TCAIM: variants seen among roughly 807,000 people sequenced by gnomAD.
TCAIM encodes the protein T-cell activation inhibitor, mitochondrial.
Under a neutral mutation model 58.6 loss-of-function variants are expected in TCAIM, and 36 were observed. The ratio of observed to expected loss-of-function variants is 0.61; its 90% CI spans 0.47 to 0.81. The LOEUF (loss-of-function observed/expected upper bound fraction) is 0.81. Among genes scored for constraint, TCAIM ranks in the 30% least tolerant of loss-of-function variants. The pLI, the probability that TCAIM is intolerant of heterozygous loss-of-function variation, is 0.00. For synonymous variants in TCAIM, 172 were observed against 193.6 expected (o/e 0.89, Z 0.93); for missense variants, 466 against 579.6 (o/e 0.80, Z 2.01).
Position 44,400,377 on chromosome 3 carries a change from A to G in TCAIM, c.908A>G (p.Tyr303Cys), listed in dbSNP as rs1702002367. ...WTKLFERLPS[Y>C]FDLQRRLMIL... Reference sequence around the variant, plus strand: ...TAGCTTTTTGAAAGATTGCCAAGTTATTTTGACCTTCAGAGGAGGCTGATG... The same window carrying G: ...TAGCTTTTTGAAAGATTGCCAAGTTGTTTTGACCTTCAGAGGAGGCTGATG... Residue 303 changes from tyrosine to cysteine, a missense_variant, in exon 9 of 11, where the codon TAT (tyrosine) becomes TGT (cysteine). Transcript: ENST00000342649. 1.2e-6 allele frequency: 2 copies of G among 1,613,506 alleles called. No individual in the cohort carries two copies. Among genetic ancestry groups the G allele is most frequent in the African/African-American group, 2.7e-5 (2 of 75,018 alleles).
rs549061847 is a variant in TCAIM at position 44,386,547 on chromosome 3, C to G, written c.573-6308C>G. ...CTGGACTGGGACATCTCTGGGCTCT[C>G]AGGGGCCTGGGAACCCCCACCCCTG... is the stretch of plus-strand genomic sequence containing the variant. On this transcript the variant is annotated intron_variant, in intron 5 of 10. Coordinates refer to ENST00000342649, the MANE Select transcript of TCAIM (RefSeq NM_173826.4). Among the ~76,000 whole-genome samples, 171 of 152,380 alleles carry G rather than the reference C, an allele frequency of 1.1e-3. 1 individual carries two copies. The highest frequency in any genetic ancestry group is 0.01 in the Middle Eastern group (3 of 294).
At chr3:44,397,439 C>G (rs906668287) in intron 8 of TCAIM, among the ~76,000 whole-genome samples, 9 of 152,188 alleles carry the variant, frequency 5.9e-5, no homozygotes, top group African/African-American at 2.2e-4. Flanking sequence ...TTTTGAGATT[C>G]ATCCATGTGG....
intron 8 of TCAIM, among the ~76,000 whole-genome samples, chr3:44,400,117 A>G (rs1033993784): frequency 1.3e-5 from 2 of 151,154 alleles, no homozygotes; most frequent in African/African-American, 4.9e-5. Context: ...TTTGGAGCAT[A>G]TTTTTTTTTG....
chr3:44,367,425 A>G lies in TCAIM; in HGVS notation c.320-31A>G, dbSNP rs572863296. ...TGAAATAAAGCAAATAATCATCTGT[A>G]TTAATTGTTTGGGGGAATTATATTC... On this transcript the variant is annotated intron_variant, in intron 4 of 10. Transcript: ENST00000342649. The G allele has an allele frequency of 1.6e-5, 25 of 1,584,326 alleles. No homozygotes were observed. In the East Asian group the frequency reaches 4.9e-4, roughly 31 times the overall value.
chr3:44,362,743 T>G (rs1701313062), intron 4 of TCAIM: 1 of 237,644 alleles, frequency 4.2e-6, no homozygotes, highest in South Asian at 1.8e-4. Flanking sequence ...TGTTGATCAC[T>G]CTAAGTGACA....
intron 5 of TCAIM, among the ~76,000 whole-genome samples, chr3:44,382,171 AAAAAG>A (rs1701665380): frequency 6.6e-6 from 1 of 152,216 alleles, no homozygotes; most frequent in Non-Finnish European, 1.5e-5. Context: ...AACAATCCTG[AAAAAG>A]AAGAGCAAAG....
At chr3:44,358,073 A>C in intron 3 of TCAIM, 197 bp downstream of exon 3, 1 of 1,357,998 alleles carries the variant, frequency 7.4e-7, no homozygotes, top group Non-Finnish European at 9.7e-7. Context: ...TGTTTTGTGC[A>C]GGCAATAAAG....
intron 10 of TCAIM, among the ~76,000 whole-genome samples, chr3:44,405,279 A>G (rs1029536781): frequency 6.6e-6 from 1 of 152,228 alleles, no homozygotes; most frequent in African/African-American, 2.4e-5. Context: ...TCTATATCAT[A>G]TATTTCAAAT....
intron 5 of TCAIM, among the ~76,000 whole-genome samples, chr3:44,372,633 G>A (rs898677629): frequency 2.7e-5 from 4 of 147,234 alleles, no homozygotes; most frequent in East Asian, 2.0e-4. Context: ...TTGCTCAGTC[G>A]CCCAGGCTGG....
intron 1 of TCAIM, among the ~76,000 whole-genome samples, chr3:44,353,229 T>C (rs1701128066): frequency 8.8e-6 from 1 of 113,694 alleles, no homozygotes; most frequent in South Asian, 4.5e-4. Flanking sequence ...CCAACTTCTT[T>C]AACTTAGTAG....
At chr3:44,381,008 C>T (rs1701646802) in intron 5 of TCAIM, among the ~76,000 whole-genome samples, 1 of 152,062 alleles carries the variant, frequency 6.6e-6, no homozygotes, top group Admixed American at 6.5e-5. Flanking sequence ...CAAAGAAAAG[C>T]CCTGAACTGG....
chr3:44,352,700 C>T (rs753598318), intron 1 of TCAIM, among the ~76,000 whole-genome samples: 2 of 152,100 alleles, frequency 1.3e-5, no homozygotes, highest in African/African-American at 4.8e-5. Flanking sequence ...TTTTGACAAA[C>T]GTTGACAAAT....
intron 4 of TCAIM, among the ~76,000 whole-genome samples, chr3:44,365,898 T>C (rs1701366569): frequency 1.3e-5 from 2 of 152,228 alleles, no homozygotes; most frequent in Admixed American, 1.3e-4. Context: ...TGGAAGAATA[T>C]GTACCTGTTA....
rs1219682246 is a variant in TCAIM at position 44,389,646 on chromosome 3, C to T, written c.573-3209C>T. ...AGTGATGTAAATTAAGATATTTTTA[C>T]CTGCTTAATCACACACCATGCAGAA... is the stretch of plus-strand genomic sequence containing the variant. On this transcript the variant is annotated intron_variant, in intron 5 of 10. Coordinates refer to ENST00000342649, the MANE Select transcript of TCAIM (RefSeq NM_173826.4). Among the ~76,000 whole-genome samples the T allele has an allele frequency of 7.9e-5, 12 of 151,990 alleles. No homozygotes were observed. The East Asian group carries it at 2.3e-3, about 29-fold the overall frequency.
intron 4 of TCAIM, among the ~76,000 whole-genome samples, chr3:44,366,239 A>T (rs1575252039): frequency 6.6e-6 from 1 of 151,998 alleles, no homozygotes; most frequent in East Asian, 1.9e-4. Context: ...ATGACTTAAC[A>T]ATTTAGATTA....
chr3:44,385,117 C>T (rs1312338232), intron 5 of TCAIM, among the ~76,000 whole-genome samples: 1 of 152,164 alleles, frequency 6.6e-6, no homozygotes, highest in Admixed American at 6.5e-5. Context: ...GGCAGAGATA[C>T]ACTTGGATTA....
chr3:44,346,736 G>A lies in TCAIM; in HGVS notation c.-45+7902G>A, dbSNP rs1262028486. Among the ~76,000 whole-genome samples, 6 of 152,150 alleles carry A rather than the reference G, an allele frequency of 3.9e-5. No individual in the cohort carries two copies. In the East Asian group the frequency reaches 5.8e-4, roughly 15 times the overall value. Reference sequence around the variant, plus strand: ...AAGTATTAGAGCAGCAGCAGCTGCCGCGTGCAGACATGAAGGCTAGGCTAA... The same window carrying A: ...AAGTATTAGAGCAGCAGCAGCTGCCACGTGCAGACATGAAGGCTAGGCTAA... On this transcript the variant is annotated intron_variant, in intron 1 of 10. Coordinates refer to ENST00000342649, the MANE Select transcript of TCAIM (RefSeq NM_173826.4).
In TCAIM at chr3:44,407,519, G is replaced by T; in HGVS notation, c.1328G>T (p.Ser443Ile). The change falls in exon 11 of 11, where the codon AGC (serine) becomes ATC (isoleucine). Residue 443 changes from serine to isoleucine, a missense_variant. Ser to Ile is a moderately radical substitution (Grantham distance 142, BLOSUM62 -2). Transcript: ENST00000342649. ...TTGGAGAAGTTATATAAAGAGCCCA[G>T]CATTTCTAGTATACAAATGGTGGAT... Reference protein sequence around the residue: ...FSLEKLYKEPSISSIQMVDCC... With the variant: ...FSLEKLYKEPIISSIQMVDCC... The T allele has an allele frequency of 6.2e-7, 1 of 1,613,442 alleles. No individual in the cohort carries two copies. Among genetic ancestry groups the T allele is most frequent in the Non-Finnish European group, 8.5e-7 (1 of 1,179,678 alleles).
intron 8 of TCAIM, 56 bp downstream of exon 8, chr3:44,396,890 A>G: frequency 6.5e-7 from 1 of 1,532,700 alleles, no homozygotes; most frequent in Non-Finnish European, 9.0e-7. Context: ...TTTCATTTCC[A>G]ACAATGCTGT....
Sources: allele counts gnomAD v4.1 joint callset (sites outside exome capture counted in the v4.1 genomes callset), GRCh38; gene constraint gnomAD v4.1.1; transcripts MANE v1.5; gene names NCBI Gene and HGNC (gene_info 2026-07-23, HGNC 2026-07-21).